Variants in SND1 observed in about 807,000 individuals in gnomAD.
The protein encoded by SND1 is staphylococcal nuclease domain-containing protein 1.
In SND1, 38 loss-of-function variants were observed where a neutral mutation model predicts 121.7. The observed-to-expected ratio is 0.31, with a 90% confidence interval of 0.24 to 0.41. SND1 has a LOEUF of 0.41. Ranked by LOEUF, SND1 falls within the 10% of genes least tolerant of loss-of-function variation. The probability of loss-of-function intolerance (pLI) is 1.00; values close to 1 mark genes in which losing one functional copy is unlikely to be tolerated. For missense variants in SND1, 868 were observed against 1,184.6 expected, an observed-to-expected ratio of 0.73 and a Z score of 3.92; for synonymous variants, 401 against 447.4, an observed-to-expected ratio of 0.90 and a Z score of 1.31.
intron 1 of SND1, among the ~76,000 whole-genome samples, chr7:127,663,912 C>T (rs1461372953): frequency 6.6e-6 from 1 of 152,168 alleles, no homozygotes; most frequent in Non-Finnish European, 1.5e-5. Context: ...TGGCTCATAG[C>T]TCTTCCTCTT....
chr7:127,779,506 G>T (rs1460776659), intron 10 of SND1, among the ~76,000 whole-genome samples: 1 of 152,182 alleles, frequency 6.6e-6, no homozygotes, highest in Admixed American at 6.5e-5. Flanking sequence ...TTCCCATGGT[G>T]TGGCCTAAGC....
intron 10 of SND1, among the ~76,000 whole-genome samples, chr7:127,748,851 G>GT (rs1797026573): frequency 6.6e-6 from 1 of 151,988 alleles, no homozygotes. Context: ...GAAGTAAACA[G>GT]TTTTTTTGGA....
intron 12 of SND1, among the ~76,000 whole-genome samples, chr7:127,853,094 GTATC>G (rs1449236517): frequency 6.6e-6 from 1 of 152,152 alleles, no homozygotes; most frequent in Non-Finnish European, 1.5e-5. Context: ...CTGCCCAAAA[GTATC>G]TGGTCCTGCA....
At chr7:127,959,479 C>G (rs1801676695) in intron 15 of SND1, among the ~76,000 whole-genome samples, 1 of 152,088 alleles carries the variant, frequency 6.6e-6, no homozygotes, top group African/African-American at 2.4e-5. Flanking sequence ...GTTTTGTTTC[C>G]TCTCTCTGAC....
chr7:127,690,890 T>G (rs1795900476), intron 2 of SND1, among the ~76,000 whole-genome samples: 1 of 152,242 alleles, frequency 6.6e-6, no homozygotes, highest in African/African-American at 2.4e-5. Flanking sequence ...GATTATTCTT[T>G]GCCTTCTGTC....
chr7:128,018,874 A>G (rs1803286012), intron 16 of SND1, among the ~76,000 whole-genome samples: 1 of 152,216 alleles, frequency 6.6e-6, no homozygotes, highest in African/African-American at 2.4e-5. Flanking sequence ...ACTAACATTG[A>G]AGCCTCAATA....
chr7:128,054,622 TTCC>T (rs1346964486), intron 16 of SND1, among the ~76,000 whole-genome samples: 1 of 152,232 alleles, frequency 6.6e-6, no homozygotes, highest in Admixed American at 6.5e-5. Flanking sequence ...AGCTTTTAAA[TTCC>T]TCCTCCTCAG....
In SND1 at chr7:127,652,424, C is replaced by G; in HGVS notation, c.51C>G (p.Pro17=). The change falls in exon 1 of 24, where the codon CCC becomes CCG. Residue 17 remains proline, a synonymous_variant. Transcript: ENST00000354725. ...GCTCCTCCGGGGGACCCGCGGTCCC[C>G]ACCGTGCAGCGGGGCATCATCAAGA... ...SGGSSGGPAV[P]TVQRGIIKMV... is the part of the protein sequence containing the mutation. 1 of 1,589,544 alleles carries G rather than the reference C, an allele frequency of 6.3e-7. No homozygotes were observed.
At chr7:127,873,533 C>G (rs569226563) in intron 12 of SND1, among the ~76,000 whole-genome samples, 3 of 152,280 alleles carry the variant, frequency 2.0e-5, no homozygotes, top group South Asian at 4.1e-4. Context: ...TGAAGCCTAA[C>G]TGTGTCACCT....
chr7:127,790,498 C>T (rs541552046), intron 10 of SND1, among the ~76,000 whole-genome samples: 2 of 152,302 alleles, frequency 1.3e-5, no homozygotes, highest in Admixed American at 6.5e-5. Context: ...TTAGAGTTCA[C>T]CTTTTGCTCC....
chr7:127,867,449 C>G (rs936725985), intron 12 of SND1, among the ~76,000 whole-genome samples: 1 of 152,162 alleles, frequency 6.6e-6, no homozygotes, highest in Non-Finnish European at 1.5e-5. Context: ...GGTGATGCTG[C>G]TGACTTCCCT....
At chr7:127,697,820 C>G (rs897179092) in intron 3 of SND1, among the ~76,000 whole-genome samples, 1 of 152,004 alleles carries the variant, frequency 6.6e-6, no homozygotes, top group Non-Finnish European at 1.5e-5. Context: ...TTGCAGAGGT[C>G]GATGTGTAGT....
chr7:127,849,554 A>C (rs1029927), intron 12 of SND1, among the ~76,000 whole-genome samples: 101,983 of 152,050 alleles, frequency 0.67, 35,105 homozygotes, highest in East Asian at 0.92. Context: ...TGTCACATAT[A>C]CAGAAGATAC....
chr7:127,974,798 G>A (rs1802076166), intron 15 of SND1, among the ~76,000 whole-genome samples: 2 of 152,104 alleles, frequency 1.3e-5, no homozygotes, highest in African/African-American at 4.8e-5. Flanking sequence ...TTGCCTCACC[G>A]CTCCCCCGCC....
chr7:127,789,145 A>G (rs150350752), intron 10 of SND1, among the ~76,000 whole-genome samples: 1 of 151,922 alleles, frequency 6.6e-6, no homozygotes, highest in Non-Finnish European at 1.5e-5. Context: ...CTACCCCTCC[A>G]CCCTGCCCCC....
intron 1 of SND1, among the ~76,000 whole-genome samples, chr7:127,677,921 G>T (rs1795643192): frequency 6.6e-6 from 1 of 152,108 alleles, no homozygotes; most frequent in South Asian, 2.1e-4. Flanking sequence ...TACTTTTTGG[G>T]TGTTCTTTTG....
intron 17 of SND1, 57 bp from the exon 18 acceptor site, chr7:128,081,303 G>A (rs1793597551): frequency 6.2e-7 from 1 of 1,606,076 alleles, no homozygotes; most frequent in East Asian, 2.2e-5. Flanking sequence ...GCCTCCCAGT[G>A]TCTTTTATGA....
intron 14 of SND1, among the ~76,000 whole-genome samples, chr7:127,915,033 T>A (rs1467998299): frequency 6.6e-6 from 1 of 152,118 alleles, no homozygotes; most frequent in Non-Finnish European, 1.5e-5. Flanking sequence ...TTATTTTTTT[T>A]TGAGACAGGA....
intron 16 of SND1, among the ~76,000 whole-genome samples, chr7:128,072,727 T>C (rs1354747044): frequency 6.6e-6 from 1 of 151,492 alleles, no homozygotes; most frequent in African/African-American, 2.4e-5. Context: ...ATTCCTGGCC[T>C]CCCACTGGAG....
Sources: gnomAD v4.1 joint callset for allele counts (sites outside exome capture counted in the v4.1 genomes callset) on GRCh38, gnomAD v4.1.1 for gene constraint, MANE v1.5 for transcripts, NCBI Gene and HGNC (gene_info 2026-07-23, HGNC 2026-07-21) for gene names.